Variants in NLK observed in about 807,000 individuals in gnomAD.
NLK encodes nemo like kinase.
NLK carries 11 observed loss-of-function variants against 59.0 expected under a neutral mutation model. The ratio of observed to expected loss-of-function variants is 0.19; its 90% CI spans 0.12 to 0.31. The LOEUF is 0.31. NLK is among the 10% of genes least tolerant of loss of function. NLK has a pLI of 1.00. For missense variants in NLK, 410 were observed against 661.1 expected (o/e 0.62, Z 4.16); for synonymous variants, 235 against 235.9 (o/e 1.00, Z 0.03).
rs142038460 is a variant in NLK at position 28,192,396 on chromosome 17, C to T, written c.1529+183C>T. 4.6e-3 allele frequency among the ~76,000 whole-genome samples: 703 copies of T among 152,194 alleles called. 4 individuals are homozygous for T. The highest frequency in any genetic ancestry group is 0.016 in the African/African-American group (682 of 41,522). On this transcript the variant is annotated intron_variant, in intron 10 of 10. Transcript: ENST00000407008. ...AAACTGTAAGCATCTGGGCTGGGCG[C>T]GGTAGCTCATGCCTGTAATCCCAGC...
At chr17:28,051,262 A>G (rs184388602) in intron 1 of NLK, among the ~76,000 whole-genome samples, 89 of 152,052 alleles carry the variant, frequency 5.9e-4, no homozygotes, top group African/African-American at 1.6e-3. Flanking sequence ...TATTAATACA[A>G]TTCTTCCAAA....
chr17:28,155,203 T>G (rs1907652622), intron 3 of NLK, among the ~76,000 whole-genome samples: 1 of 152,176 alleles, frequency 6.6e-6, no homozygotes, highest in Non-Finnish European at 1.5e-5. Context: ...GCTTGTTTTG[T>G]TTTTAGAACC....
At chr17:28,132,487 G>A (rs1432359370) in intron 2 of NLK, 133 bp from the exon 3 acceptor site, 16 of 665,598 alleles carry the variant, frequency 2.4e-5, no homozygotes, top group South Asian at 3.7e-5. Context: ...CTTGACAGAC[G>A]AATTTAATTT....
At chr17:28,110,218 T>C (rs2142801751) in intron 1 of NLK, among the ~76,000 whole-genome samples, 1 of 148,172 alleles carries the variant, frequency 6.7e-6, no homozygotes, top group Middle Eastern at 3.5e-3. Flanking sequence ...ATTTATTGCT[T>C]ATATATATAT....
chr17:28,076,187 A>T (rs1404432943), intron 1 of NLK, among the ~76,000 whole-genome samples: 2 of 152,212 alleles, frequency 1.3e-5, no homozygotes, highest in African/African-American at 4.8e-5. Context: ...AAAAATTTGG[A>T]TAACTTTAAA....
chr17:28,176,978 G>A (rs574346683), intron 7 of NLK, among the ~76,000 whole-genome samples: 3 of 152,224 alleles, frequency 2.0e-5, no homozygotes, highest in African/African-American at 4.8e-5. Context: ...AACACATTTT[G>A]TATGTTTATA....
intron 1 of NLK, among the ~76,000 whole-genome samples, chr17:28,092,792 ATTTTATTTTATTTTATT>A (rs916387343): frequency 9.9e-5 from 14 of 142,034 alleles, no homozygotes; most frequent in African/African-American, 3.8e-4. Flanking sequence ...ATTTTATTTT[ATTTTATTTTATTTTATT>A]TATTTATTGA....
intron 1 of NLK, among the ~76,000 whole-genome samples, chr17:28,089,479 T>C (rs1310009634): frequency 6.6e-6 from 1 of 151,918 alleles, no homozygotes; most frequent in Non-Finnish European, 1.5e-5. Context: ...TTTTTTTTCA[T>C]TCACTTACTG....
intron 2 of NLK, among the ~76,000 whole-genome samples, chr17:28,122,981 T>C (rs1295894317): frequency 1.3e-5 from 2 of 152,204 alleles, no homozygotes; most frequent in Admixed American, 1.3e-4. Flanking sequence ...GCTGTAGTCT[T>C]TCAGTGCTTT....
intron 1 of NLK, among the ~76,000 whole-genome samples, chr17:28,121,792 C>T (rs923813073): frequency 1.3e-5 from 2 of 152,016 alleles, no homozygotes; most frequent in African/African-American, 4.8e-5. Flanking sequence ...AGCCACTGAG[C>T]CTGGCCTGAC....
At chr17:28,088,432 G>A (rs1904359975) in intron 1 of NLK, among the ~76,000 whole-genome samples, 2 of 152,078 alleles carry the variant, frequency 1.3e-5, no homozygotes, top group South Asian at 2.1e-4. Context: ...TTTTCTATTT[G>A]ATTACTTGTT....
intron 8 of NLK, among the ~76,000 whole-genome samples, chr17:28,186,718 G>C (rs1301788110): frequency 6.6e-6 from 1 of 152,090 alleles, no homozygotes; most frequent in East Asian, 1.9e-4. Flanking sequence ...ACTATCACGA[G>C]AACAGCACAG....
chr17:28,126,931 AGG>A lies in NLK; in HGVS notation c.588+4200_588+4201del. 2.0e-5 allele frequency among the ~76,000 whole-genome samples: 3 copies of A among 152,302 alleles called. No homozygotes were observed. In the South Asian group the frequency reaches 6.2e-4, roughly 32 times the overall value. On this transcript the variant is annotated intron_variant, in intron 2 of 10. Coordinates refer to ENST00000407008, the MANE Select transcript of NLK (RefSeq NM_016231.5). ...TGATCAGCAGGGAAAGTGATGATTT[AGG>A]TTTTTTGGATCTTTGAGATGAAAGC...
intron 3 of NLK, among the ~76,000 whole-genome samples, chr17:28,148,423 G>T (rs971952530): frequency 6.6e-6 from 1 of 152,088 alleles, no homozygotes; most frequent in African/African-American, 2.4e-5. Context: ...AATGTTTCTT[G>T]TATCGTCAAG....
chr17:28,085,587 A>G (rs1220145981), intron 1 of NLK, among the ~76,000 whole-genome samples: 1 of 152,110 alleles, frequency 6.6e-6, no homozygotes, highest in Non-Finnish European at 1.5e-5. Context: ...TAAAAATACA[A>G]AAAGTAGCCA....
chr17:28,047,982 T>C (rs1909119398), intron 1 of NLK: 1 of 398,450 alleles, frequency 2.5e-6, no homozygotes, highest in Middle Eastern at 6.3e-4. Flanking sequence ...ACAGCTGGAT[T>C]CTTTGGGGGC....
chr17:28,111,901 GTGTGT>G (rs1905527376), intron 1 of NLK, among the ~76,000 whole-genome samples: 220 of 88,576 alleles, frequency 2.5e-3, no homozygotes, highest in Middle Eastern at 6.2e-3. Flanking sequence ...TGTGTGGTGT[GTGTGT>G]GTGTGTGTGT....
intron 3 of NLK, among the ~76,000 whole-genome samples, chr17:28,159,346 T>A (rs905070058): frequency 6.6e-6 from 1 of 152,196 alleles, no homozygotes; most frequent in African/African-American, 2.4e-5. Flanking sequence ...CATCCAGTTT[T>A]GGATGAATTG....
At chr17:28,063,021 G>A (rs1044662363) in intron 1 of NLK, among the ~76,000 whole-genome samples, 3 of 152,106 alleles carry the variant, frequency 2.0e-5, no homozygotes, top group African/African-American at 7.2e-5. Flanking sequence ...GCCTCAAGCT[G>A]CCCAGGCTCA....
Sources: gnomAD v4.1 joint callset for allele counts (sites outside exome capture counted in the v4.1 genomes callset) on GRCh38, gnomAD v4.1.1 for gene constraint, MANE v1.5 for transcripts, NCBI Gene and HGNC (gene_info 2026-07-23, HGNC 2026-07-21) for gene names.